ZNRF3: variants seen among roughly 807,000 people sequenced by gnomAD.
ZNRF3 encodes E3 ubiquitin-protein ligase ZNRF3.
A neutral mutation model predicts 72.5 loss-of-function variants in ZNRF3; 23 were observed. That is an observed-to-expected ratio of 0.32 (90% CI 0.23 to 0.45). ZNRF3 has a LOEUF of 0.45. Among genes scored for constraint, ZNRF3 ranks in the 20% least tolerant of loss-of-function variants. ZNRF3 has a pLI of 1.00. For missense variants in ZNRF3, 1,169 were observed against 1,272.1 expected (o/e 0.92, Z 1.23); for synonymous variants, 610 against 545.3 (o/e 1.12, Z -1.65).
At chr22:29,031,137 A>G (rs1182242865) in intron 2 of ZNRF3, 2 of 152,334 alleles carry the variant, frequency 1.3e-5, no homozygotes, top group Non-Finnish European at 2.9e-5. Context: ...CAAGTCTTGA[A>G]AGTAAGCTAG....
chr22:28,966,064 CT>C (rs1445051802), intron 1 of ZNRF3, among the ~76,000 whole-genome samples: 1 of 152,216 alleles, frequency 6.6e-6, no homozygotes, highest in Non-Finnish European at 1.5e-5. Context: ...TGCAAGCAAA[CT>C]CCACCCACTC....
At chr22:29,020,792 T>C (rs1012395849) in intron 2 of ZNRF3, among the ~76,000 whole-genome samples, 13 of 150,710 alleles carry the variant, frequency 8.6e-5, no homozygotes, top group African/African-American at 7.3e-5. Flanking sequence ...TGTGTGTGTG[T>C]GTGTGTGTGT....
At position 29,050,272 on chromosome 22, in the gene ZNRF3, C is replaced by G. The variant is rs972052731; in HGVS notation, c.2091C>G (p.Leu697=). 1 of 1,597,962 alleles carries G rather than the reference C, an allele frequency of 6.3e-7. No individual in the cohort carries two copies. Among genetic ancestry groups the G allele is most frequent in the Non-Finnish European group, 8.5e-7 (1 of 1,178,680 alleles). The change falls in exon 8 of 9, where the codon CTC becomes CTG. Residue 697 remains leucine, a synonymous_variant. Coordinates refer to ENST00000544604, the MANE Select transcript of ZNRF3 (RefSeq NM_001206998.2). The part of the protein sequence containing the change: ...LEASPGAAPD[L]RRTWKGGHEL... ...CTTCTCCTGGGGCCGCCCCTGACCTCAGGAGGACCTGGAAGGGGGGCCACG... is the reference window on the plus strand; with the variant it reads ...CTTCTCCTGGGGCCGCCCCTGACCTGAGGAGGACCTGGAAGGGGGGCCACG...
chr22:28,898,825 A>G (rs954750252), intron 1 of ZNRF3, among the ~76,000 whole-genome samples: 3 of 152,008 alleles, frequency 2.0e-5, no homozygotes, highest in Non-Finnish European at 4.4e-5. Flanking sequence ...TTAGATTTCA[A>G]TTTAGCAAAC....
At chr22:28,973,036 G>T (rs781671641) in intron 1 of ZNRF3, among the ~76,000 whole-genome samples, 1 of 152,126 alleles carries the variant, frequency 6.6e-6, no homozygotes, top group African/African-American at 2.4e-5. Flanking sequence ...AGGCTGGAGC[G>T]CAGTGGAGCC....
chr22:28,912,662 CTT>C (rs138371253), intron 1 of ZNRF3, among the ~76,000 whole-genome samples: 59,962 of 118,722 alleles, frequency 0.51, 14,759 homozygotes, highest in Non-Finnish European at 0.62. Context: ...TCTTTTCTTT[CTT>C]TTTTTTTTTT....
At chr22:28,971,130 A>T (rs2035567925) in intron 1 of ZNRF3, among the ~76,000 whole-genome samples, 1 of 152,164 alleles carries the variant, frequency 6.6e-6, no homozygotes. Flanking sequence ...TTGAGGCTGC[A>T]GTGAGCTATG....
intron 2 of ZNRF3, among the ~76,000 whole-genome samples, chr22:28,998,577 A>C (rs759425287): frequency 3.9e-5 from 6 of 152,064 alleles, no homozygotes; most frequent in Non-Finnish European, 7.4e-5. Context: ...AAGTGGAAAA[A>C]CTCAGGGAAT....
chr22:29,038,461 G>T (rs2036902885), intron 2 of ZNRF3, among the ~76,000 whole-genome samples: 1 of 151,674 alleles, frequency 6.6e-6, no homozygotes, highest in African/African-American at 2.4e-5. Context: ...GCCTCCCGAG[G>T]AGCTGGGACT....
chr22:28,883,738 C>A lies in ZNRF3; in HGVS notation c.-29C>A. The A allele has an allele frequency of 1.0e-6, 1 of 981,248 alleles. No individual in the cohort carries two copies. The highest frequency in any genetic ancestry group is 4.5e-5 in the South Asian group (1 of 21,996). The allele number at this position is 981,248 out of a possible 1,614,324, so 60.8% of individuals were successfully genotyped here. On this transcript the variant is annotated 5_prime_UTR_variant, in exon 1 of 9. Coordinates refer to ENST00000544604, the MANE Select transcript of ZNRF3 (RefSeq NM_001206998.2). The surrounding 1 kb of genome is among the most constrained non-coding windows in gnomAD (Gnocchi z 5.5). ...GCCCGCGACTATGCCCGGCCGCGCC[C>A]GCCCTCCGCGCCCTCCCGCCGCAGG...
chr22:28,910,414 G>T (rs1484170740), intron 1 of ZNRF3, among the ~76,000 whole-genome samples: 2 of 152,168 alleles, frequency 1.3e-5, no homozygotes, highest in Non-Finnish European at 2.9e-5. Context: ...TTTCCTAGAG[G>T]ACGTAAGCAG....
intron 1 of ZNRF3, among the ~76,000 whole-genome samples, chr22:28,941,338 T>G (rs956765425): frequency 5.9e-5 from 9 of 152,348 alleles, no homozygotes; most frequent in Admixed American, 3.9e-4. Flanking sequence ...ACTAATTTAT[T>G]TATTTTTCAT....
At chr22:29,010,828 C>T (rs2036335419) in intron 2 of ZNRF3, among the ~76,000 whole-genome samples, 2 of 152,124 alleles carry the variant, frequency 1.3e-5, no homozygotes, top group South Asian at 4.1e-4. Flanking sequence ...CACCACCATG[C>T]CCAACTAATT....
At chr22:28,922,451 T>TC (rs1468466567) in intron 1 of ZNRF3, among the ~76,000 whole-genome samples, 1 of 152,370 alleles carries the variant, frequency 6.6e-6, no homozygotes, top group African/African-American at 2.4e-5. Flanking sequence ...TATAACTTTT[T>TC]CTCTAAGTAA....
intron 1 of ZNRF3, among the ~76,000 whole-genome samples, chr22:28,904,781 T>C (rs1480680630): frequency 2.0e-5 from 3 of 152,118 alleles, no homozygotes; most frequent in African/African-American, 4.8e-5. Flanking sequence ...GCTACCTCTC[T>C]GTATCCTCCT....
chr22:28,898,926 G>GTTTT (rs34713478), intron 1 of ZNRF3, among the ~76,000 whole-genome samples: 11 of 114,076 alleles, frequency 9.6e-5, no homozygotes, highest in African/African-American at 2.6e-4. Flanking sequence ...ACATGCTGAG[G>GTTTT]TTTTTTTTTT....
At chr22:28,909,136 G>A (rs1039153166) in intron 1 of ZNRF3, among the ~76,000 whole-genome samples, 2 of 151,940 alleles carry the variant, frequency 1.3e-5, no homozygotes, top group Admixed American at 6.6e-5. Context: ...GAACTCCTGA[G>A]TCTGCCTGCC....
chr22:28,929,457 A>G (rs753272040), intron 1 of ZNRF3, among the ~76,000 whole-genome samples: 1 of 152,166 alleles, frequency 6.6e-6, no homozygotes, highest in Non-Finnish European at 1.5e-5. Flanking sequence ...ACAACTAGAA[A>G]TGTCTCCAGA....
intron 8 of ZNRF3, among the ~76,000 whole-genome samples, chr22:29,051,274 A>G (rs1369419734): frequency 6.6e-6 from 1 of 152,118 alleles, no homozygotes; most frequent in Non-Finnish European, 1.5e-5. Context: ...GTAGTGGCTC[A>G]TGCCTCTAAT....
Sources: allele counts gnomAD v4.1 joint callset (sites outside exome capture counted in the v4.1 genomes callset), GRCh38; gene constraint gnomAD v4.1.1; non-coding constraint Gnocchi (gnomAD v3.1); transcripts MANE v1.5; gene names NCBI Gene and HGNC (gene_info 2026-07-23, HGNC 2026-07-21).